SOS1: variants seen among roughly 807,000 people sequenced by gnomAD.
SOS1 encodes son of sevenless homolog 1.
In SOS1, 25 loss-of-function variants were observed where a neutral mutation model predicts 157.6. The ratio of observed to expected loss-of-function variants is 0.16; its 90% CI spans 0.12 to 0.22. The LOEUF (loss-of-function observed/expected upper bound fraction) is 0.22. Among genes scored for constraint, SOS1 ranks in the 10% least tolerant of loss-of-function variants. The probability of loss-of-function intolerance (pLI) is 1.00; values close to 1 mark genes in which losing one functional copy is unlikely to be tolerated. For synonymous variants in SOS1, 528 were observed against 534.0 expected (o/e 0.99, Z 0.16); for missense variants, 1,237 against 1,599.1 (o/e 0.77, Z 3.86).
intron 19 of SOS1, among the ~76,000 whole-genome samples, 164 bp downstream of exon 19, chr2:38,996,758 T>A (rs1382900738): frequency 6.6e-6 from 1 of 152,188 alleles, no homozygotes; most frequent in Non-Finnish European, 1.5e-5. Flanking sequence ...ATACTAACAT[T>A]CATTTATTTG....
At chr2:39,013,267 T>G (rs925135845) in intron 13 of SOS1, among the ~76,000 whole-genome samples, 193 bp downstream of exon 13, 1 of 152,148 alleles carries the variant, frequency 6.6e-6, no homozygotes, top group Non-Finnish European at 1.5e-5. Context: ...GAAAATACAT[T>G]GGATCAACAG....
Position 38,987,527 on chromosome 2 carries a change from A to G in SOS1, c.3456T>C (p.Pro1152=). Residue 1152 remains proline, a synonymous_variant, in exon 22 of 23, where the codon CCT becomes CCC. Coordinates refer to ENST00000402219, the MANE Select transcript of SOS1 (RefSeq NM_005633.4). ...ATTCTGGTCGTCTTCGTGGAGGAAC[A>G]GGAGGAGGGACAGGCACTTCATCAG... ...KGTDEVPVPP[P]VPPRRRPESA... The G allele has an allele frequency of 6.2e-7, 1 of 1,606,448 alleles. No individual in the cohort carries two copies. Among genetic ancestry groups the G allele is most frequent in the South Asian group, 1.1e-5 (1 of 90,152 alleles).
At chr2:39,123,632 A>G (rs1407063644), upstream of SOS1, among the ~76,000 whole-genome samples, 1 of 152,176 alleles carries the variant, frequency 6.6e-6, no homozygotes, top group Non-Finnish European at 1.5e-5. Flanking sequence ...TGCTGGGACT[A>G]CAGGCGTGAG....
At chr2:39,072,449 G>A (rs1010625113) in intron 1 of SOS1, among the ~76,000 whole-genome samples, 1 of 152,136 alleles carries the variant, frequency 6.6e-6, no homozygotes, top group East Asian at 1.9e-4. Context: ...GATTTCAGGA[G>A]CATAAGCCTT....
intron 8 of SOS1, among the ~76,000 whole-genome samples, chr2:39,027,650 T>C (rs933028912): frequency 6.6e-6 from 1 of 152,194 alleles, no homozygotes; most frequent in African/African-American, 2.4e-5. Flanking sequence ...CATCCTCTTG[T>C]TACCAGTGAT....
At chr2:39,086,542 A>G (rs576993371) in intron 1 of SOS1, among the ~76,000 whole-genome samples, 1 of 152,246 alleles carries the variant, frequency 6.6e-6, no homozygotes. Flanking sequence ...TGATTTTATC[A>G]TATAATGCCC....
At chr2:39,104,259 G>A (rs945918531) in intron 1 of SOS1, among the ~76,000 whole-genome samples, 1 of 152,052 alleles carries the variant, frequency 6.6e-6, no homozygotes, top group African/African-American at 2.4e-5. Context: ...TCCAGCCTGG[G>A]GGACAACAGC....
chr2:39,014,848 TAAG>T lies in SOS1; in HGVS notation c.1859-5_1859-3del, dbSNP rs1171459346. The T allele has an allele frequency of 1.9e-6, 3 of 1,561,478 alleles. No individual in the cohort carries two copies. In the African/African-American group the frequency reaches 4.1e-5, roughly 21 times the overall value. On this transcript the variant is annotated splice_region_variant and splice_polypyrimidine_tract_variant and intron_variant, in intron 10 of 22. Transcript: ENST00000402219. ...GAAATGTCCGAACAAAATTGGGATC[TAAG>T]AAGAAAAAGGAAAAATATCTTATTA... is the stretch of plus-strand genomic sequence containing the variant.
Position 39,023,000 on chromosome 2 carries a change from C to T in SOS1, c.1428G>A (p.Gly476=), listed in dbSNP as rs902127095. ...TGCTAGCACCAGGAAGTCTTGGCTG[C>T]CCATGATTTGATTTACAGCAAATCA... ...GLMICCKSNH[G]QPRLPGASNA... is the part of the protein sequence containing the mutation. The change falls in exon 10 of 23, where the codon GGG becomes GGA. Residue 476 remains glycine (G), a synonymous_variant. Transcript: ENST00000402219. 8 of 1,613,778 alleles carry T rather than the reference C, an allele frequency of 5.0e-6. No homozygotes were observed. Among genetic ancestry groups the T allele is most frequent in the Non-Finnish European group, 6.8e-6 (8 of 1,179,806 alleles).
chr2:38,999,758 T>A (rs1669029719), intron 17 of SOS1, among the ~76,000 whole-genome samples: 1 of 152,160 alleles, frequency 6.6e-6, no homozygotes, highest in South Asian at 2.1e-4. Flanking sequence ...CCTTCCATAG[T>A]GGTCACAAAC....
At chr2:39,017,253 C>A (rs942223262) in intron 10 of SOS1, among the ~76,000 whole-genome samples, 4 of 151,882 alleles carry the variant, frequency 2.6e-5, no homozygotes, top group Non-Finnish European at 5.9e-5. Flanking sequence ...TTAAAGAAAC[C>A]CTTAAAGTTT....
At position 39,031,658 on chromosome 2, in the gene SOS1, A is replaced by T. The variant is rs1013916273; in HGVS notation, c.1074+3554T>A. On this transcript the variant is annotated intron_variant, in intron 8 of 22. Coordinates refer to ENST00000402219, the MANE Select transcript of SOS1 (RefSeq NM_005633.4). The stretch of plus-strand genomic sequence containing the variant: ...AGAATCACTTCAGACCGCAAGGCAG[A>T]GTTTGCAGTGAGCCAAGATCTTGCC... Among the ~76,000 whole-genome samples, 7 of 152,262 alleles carry T rather than the reference A, an allele frequency of 4.6e-5. No individual in the cohort carries two copies. The South Asian group carries it at 1.0e-3, about 23-fold the overall frequency.
chr2:38,995,212 G>A lies in SOS1; in HGVS notation c.3257C>T (p.Pro1086Leu), dbSNP rs730881028. 6 of 1,613,900 alleles carry A rather than the reference G, an allele frequency of 3.7e-6. No individual in the cohort carries two copies. Among genetic ancestry groups the A allele is most frequent in the East Asian group, 2.2e-5 (1 of 44,876 alleles). Reference protein sequence around the residue: ...TASAPNSPRTPLTPPPASGAS... With the variant: ...TASAPNSPRTLLTPPPASGAS... ...ACCAGAAGCAGGCGGAGGTGTTAAC[G>A]GTGTTCTTGGAGAATTTGGTGCAGA... The change falls in exon 20 of 23, where the codon CCG becomes CTG. Residue 1086 changes from proline (P) to leucine (L), a missense_variant. Coordinates refer to ENST00000402219, the MANE Select transcript of SOS1 (RefSeq NM_005633.4).
At chr2:39,059,870 T>C (rs1190917365) in intron 2 of SOS1, among the ~76,000 whole-genome samples, 2 of 152,168 alleles carry the variant, frequency 1.3e-5, no homozygotes, top group Non-Finnish European at 2.9e-5. Flanking sequence ...GTTATTTTAA[T>C]TCTAATTAAT....
rs1393013631 is a variant in SOS1 at position 39,051,222 on chromosome 2, A to C, written c.786T>G (p.His262Gln). The C allele has an allele frequency of 6.2e-7, 1 of 1,612,410 alleles. No individual in the cohort carries two copies. Among genetic ancestry groups the C allele is most frequent in the Non-Finnish European group, 8.5e-7 (1 of 1,178,638 alleles). Residue 262 changes from histidine to glutamine, a missense_variant, in exon 6 of 23, where the codon CAT becomes CAG. This residue lies in a region of SOS1 where 108 missense variants were observed against 115.3 expected (regional missense o/e 0.94). Coordinates refer to ENST00000402219, the MANE Select transcript of SOS1 (RefSeq NM_005633.4). Reference sequence around the variant, plus strand: ...CTGTCATTTCTACTGTATCTTCTATATGGCCCAGTAACTTTACACTAAGTT... The same window carrying C: ...CTGTCATTTCTACTGTATCTTCTATCTGGCCCAGTAACTTTACACTAAGTT... ...IHELSVKLLG[H>Q]IEDTVEMTDE...
At chr2:39,064,517 C>T (rs977455099) in intron 2 of SOS1, among the ~76,000 whole-genome samples, 1 of 151,942 alleles carries the variant, frequency 6.6e-6, no homozygotes, top group Admixed American at 6.6e-5. Context: ...AATAAGGGCC[C>T]ATTTCAAGAA....
Position 39,101,566 on chromosome 2 carries a change from C to G in SOS1, c.87+18770G>C, listed in dbSNP as rs1280731726. Among the ~76,000 whole-genome samples the G allele has an allele frequency of 2.6e-5, 4 of 152,044 alleles. No individual in the cohort carries two copies. In the South Asian group the frequency reaches 8.3e-4, roughly 32 times the overall value. ...GGTTTGAATTATATTTATTTAGAAA[C>G]TATAAAAATTTTGTTCCAAATGTTG... On this transcript the variant is annotated intron_variant, in intron 1 of 22. Transcript: ENST00000402219.
intron 17 of SOS1, among the ~76,000 whole-genome samples, chr2:39,001,191 A>T (rs1261887828): frequency 6.6e-6 from 1 of 152,104 alleles, no homozygotes; most frequent in African/African-American, 2.4e-5. Flanking sequence ...CCTCCCGAGT[A>T]AGCTGGGACT....
intron 5 of SOS1, among the ~76,000 whole-genome samples, chr2:39,053,507 G>A (rs561488021): frequency 4.3e-4 from 65 of 152,222 alleles, no homozygotes; most frequent in African/African-American, 1.3e-3. Context: ...CATTTAAAGT[G>A]AGTAATTTAA....
Sources: allele counts gnomAD v4.1 joint callset (sites outside exome capture counted in the v4.1 genomes callset), GRCh38; gene constraint gnomAD v4.1.1; regional missense constraint gnomAD v4.1.1; transcripts MANE v1.5; gene names NCBI Gene and HGNC (gene_info 2026-07-23, HGNC 2026-07-21).